The following SOCS2 variants were observed in gnomAD, a reference collection of about 807,000 sequenced individuals.
SOCS2 encodes the protein CIS-2.
In SOCS2, 10 loss-of-function variants were observed where a neutral mutation model predicts 18.6. The observed-to-expected ratio is 0.54, with a 90% CI of 0.33 to 0.91. The LOEUF (loss-of-function observed/expected upper bound fraction) is 0.91, where lower values mean the gene tolerates loss of function less well. SOCS2 is among the 40% of genes least tolerant of loss of function. The pLI, the probability that SOCS2 is intolerant of heterozygous loss-of-function variation, is 0.02. For synonymous variants in SOCS2, 104 were observed against 104.0 expected (o/e 1.00, Z 0.00); for missense variants, 231 against 247.2 (o/e 0.93, Z 0.44).
chr12:93,577,674 T>A (rs1026034122), downstream of SOCS2, among the ~76,000 whole-genome samples: 3 of 152,172 alleles, frequency 2.0e-5, no homozygotes, highest in African/African-American at 7.2e-5. Context: ...AAAGTATAGA[T>A]ACCTTAATTA....
chr12:93,582,133 AG>A (rs772032945), intron 1 of SOCS2, among the ~76,000 whole-genome samples: 1 of 152,232 alleles, frequency 6.6e-6, no homozygotes, highest in Non-Finnish European at 1.5e-5. Flanking sequence ...TATGAAGACA[AG>A]CCCCCAGAGG....
chr12:93,577,268 C>T (rs1471633021), downstream of SOCS2, among the ~76,000 whole-genome samples: 1 of 152,158 alleles, frequency 6.6e-6, no homozygotes, highest in Admixed American at 6.5e-5. Flanking sequence ...AACCTATTGC[C>T]TTATATTTCA....
chr12:93,620,309 CCA>C, the SOCS2 span, among the ~76,000 whole-genome samples: 1 of 152,166 alleles, frequency 6.6e-6, no homozygotes, highest in Admixed American at 6.5e-5. Context: ...TATGGCTGTA[CCA>C]AAATTTAAAT....
In SOCS2 at chr12:93,575,254, GA is replaced by G; in HGVS notation, c.*76del. 1.0e-6 allele frequency: 1 copy of G among 1,001,298 alleles called. No homozygotes were observed. The highest frequency in any genetic ancestry group is 1.4e-6 in the Non-Finnish European group (1 of 695,750). 62.0% of individuals were successfully genotyped at this position (1,001,298 alleles called of 1,614,324 possible). Reference sequence around the variant, plus strand: ...GCTATGTAAAAGAGAACCAAAACTTGAGTGCTCTGGATAACTATATGGAATG... The same window carrying G: ...GCTATGTAAAAGAGAACCAAAACTTGGTGCTCTGGATAACTATATGGAATG... On this transcript the variant is annotated 3_prime_UTR_variant, in exon 2 of 2. Coordinates refer to ENST00000551556, the MANE Select transcript of SOCS2 (RefSeq NM_001270471.2).
Position 93,572,715 on chromosome 12 carries a change from A to T in SOCS2, c.-183A>T. The T allele has an allele frequency of 1.2e-6, 1 of 828,842 alleles. No homozygotes were observed. Among genetic ancestry groups the T allele is most frequent in the East Asian group, 2.7e-5 (1 of 37,616 alleles). 51.3% of individuals were successfully genotyped at this position (828,842 alleles called of 1,614,324 possible). ...CAGTGGGTGACCGCGGCTGCGAGGGACTTTGTCATCCGTCCTCCAGGATCT... is the reference window on the plus strand; with the variant it reads ...CAGTGGGTGACCGCGGCTGCGAGGGTCTTTGTCATCCGTCCTCCAGGATCT... On this transcript the variant is annotated 5_prime_UTR_variant, in exon 1 of 2. Transcript: ENST00000551556. This position sits in a 1 kb window ranked among gnomAD's most constrained non-coding sequence, Gnocchi z 5.0.
At chr12:93,571,717 C>A, upstream of SOCS2, 1 of 292,682 alleles carries the variant, frequency 3.4e-6, no homozygotes, top group Non-Finnish European at 6.8e-6. Context: ...ACTCCGACCG[C>A]CGCCTCCGAG....
the SOCS2 span, among the ~76,000 whole-genome samples, chr12:93,613,061 A>G: frequency 6.6e-6 from 1 of 152,218 alleles, no homozygotes; most frequent in Admixed American, 6.5e-5. Flanking sequence ...CAATTCAGGA[A>G]CTCCGGCACT....
At chr12:93,589,200 A>G in the SOCS2 span, among the ~76,000 whole-genome samples, 17 of 152,244 alleles carry the variant, frequency 1.1e-4, no homozygotes, top group African/African-American at 4.1e-4. Context: ...CTGGGCAGGC[A>G]GTGCCTTGCA....
At position 93,574,818 on chromosome 12, in the gene SOCS2, A is replaced by G. The variant is rs2136699520; in HGVS notation, c.236A>G (p.Asp79Gly). The change falls in exon 2 of 2, where the codon GAC (aspartate) becomes GGC (glycine). Residue 79 changes from aspartate to glycine, a missense_variant. Asp to Gly is a moderately conservative substitution (Grantham distance 94). This residue lies in a region of SOCS2 where 106 missense variants were observed against 103.8 expected (regional missense o/e 1.02). Transcript: ENST00000551556. ...TFLIRDSSHS[D>G]YLLTISVKTS... ...TTGATTAGAGATAGCTCGCATTCAG[A>G]CTACCTACTAACAATATCTGTTAAA... The G allele has an allele frequency of 1.2e-6, 2 of 1,614,230 alleles. No homozygotes were observed. Among genetic ancestry groups the G allele is most frequent in the South Asian group, 2.2e-5 (2 of 91,086 alleles).
At chr12:93,578,984 A>G (rs1954502487), downstream of SOCS2, among the ~76,000 whole-genome samples, 1 of 152,298 alleles carries the variant, frequency 6.6e-6, no homozygotes, top group East Asian at 1.9e-4. Flanking sequence ...GCTGGATTTC[A>G]TGATGTCTTG....
At chr12:93,624,742 AC>A in the SOCS2 span, among the ~76,000 whole-genome samples, 1 of 152,162 alleles carries the variant, frequency 6.6e-6, no homozygotes, top group Admixed American at 6.5e-5. Context: ...AATTGCTGGA[AC>A]CCATTAAGTT....
At chr12:93,586,287 C>G (rs2136717646), downstream of SOCS2, among the ~76,000 whole-genome samples, 1 of 152,318 alleles carries the variant, frequency 6.6e-6, no homozygotes, top group South Asian at 2.1e-4. Flanking sequence ...TGTTCACATT[C>G]ACTCCTATTG....
At chr12:93,619,490 C>G in the SOCS2 span, among the ~76,000 whole-genome samples, 1 of 152,128 alleles carries the variant, frequency 6.6e-6, no homozygotes, top group Non-Finnish European at 1.5e-5. Context: ...AAATGAACAA[C>G]AAAGAAAGCT....
the SOCS2 span, among the ~76,000 whole-genome samples, chr12:93,622,646 C>T: frequency 6.6e-6 from 1 of 152,296 alleles, no homozygotes; most frequent in East Asian, 1.9e-4. Context: ...TATGCCAATA[C>T]TCTGGTTGGA....
chr12:93,623,158 A>T, the SOCS2 span, among the ~76,000 whole-genome samples: 1 of 152,110 alleles, frequency 6.6e-6, no homozygotes, highest in Non-Finnish European at 1.5e-5. Flanking sequence ...TCATGGGGGC[A>T]GCTTCTCCCA....
At chr12:93,589,864 G>A in the SOCS2 span, among the ~76,000 whole-genome samples, 1 of 152,194 alleles carries the variant, frequency 6.6e-6, no homozygotes, top group Non-Finnish European at 1.5e-5. Flanking sequence ...TTCTCAAGTG[G>A]CAGAAGAAAT....
downstream of SOCS2, among the ~76,000 whole-genome samples, chr12:93,584,837 A>C (rs1045711303): frequency 5.3e-5 from 8 of 151,750 alleles, no homozygotes; most frequent in Non-Finnish European, 1.0e-4. Flanking sequence ...ATCTCAGCTC[A>C]CTGCAACCTC....
chr12:93,612,390 G>A, the SOCS2 span, among the ~76,000 whole-genome samples: 2 of 151,946 alleles, frequency 1.3e-5, no homozygotes, highest in South Asian at 4.2e-4. Flanking sequence ...TTACTTCATG[G>A]CTGTCTTCCT....
the SOCS2 span, among the ~76,000 whole-genome samples, chr12:93,608,000 CTTTTTTTT>C: frequency 2.4e-5 from 3 of 124,462 alleles, no homozygotes; most frequent in Admixed American, 8.2e-5. Flanking sequence ...GACTGTAAAT[CTTTTTTTT>C]TTTTTTTTTT....
Sources: gnomAD v4.1 joint callset for allele counts (sites outside exome capture counted in the v4.1 genomes callset) on GRCh38, gnomAD v4.1.1 for gene constraint, gnomAD v4.1.1 regional missense constraint, Gnocchi (gnomAD v3.1) non-coding constraint, MANE v1.5 for transcripts, NCBI Gene and HGNC (gene_info 2026-07-23, HGNC 2026-07-21) for gene names.